Variants in IVL observed in about 807,000 individuals in gnomAD.
IVL encodes involucrin.
For missense variants in IVL, 722 were observed against 624.9 expected (o/e 1.16, Z -1.66); for synonymous variants, 257 against 271.0 (o/e 0.95, Z 0.51).
rs1007577164 is a variant in IVL at position 152,911,704 on chromosome 1, G to C, written c.*149G>C. Reference sequence around the variant, plus strand: ...CATGTCTCTTTAATGGGGTGAGGGTGGGGGAGAGAGGGAATTATTGTCCAG... The same window carrying C: ...CATGTCTCTTTAATGGGGTGAGGGTCGGGGAGAGAGGGAATTATTGTCCAG... On this transcript the variant is annotated 3_prime_UTR_variant, in exon 2 of 2. Transcript: ENST00000368764. 3.9e-6 allele frequency: 3 copies of C among 777,712 alleles called. No individual in the cohort carries two copies. Among genetic ancestry groups the C allele is most frequent in the African/African-American group, 3.5e-5 (2 of 57,082 alleles). The allele number at this position is 777,712 out of a possible 1,614,324, so 48.2% of individuals were successfully genotyped here.
rs1649906260 is a variant in IVL at position 152,910,252 on chromosome 1, T to A, written c.455T>A (p.Leu152Gln). The part of the protein sequence containing the change: ...DEQLGMKKEQ[L>Q]LELPEQQEGH... ...CAACTGGGAATGAAGAAAGAGCAAC[T>A]GTTGGAGCTCCCAGAGCAGCAGGAG... The change falls in exon 2 of 2, where the codon CTG (leucine) becomes CAG (glutamine). Residue 152 changes from leucine (L) to glutamine (Q), a missense_variant. Coordinates refer to ENST00000368764, the MANE Select transcript of IVL (RefSeq NM_005547.4). The A allele has an allele frequency of 1.2e-6, 2 of 1,613,826 alleles. No homozygotes were observed. Among genetic ancestry groups the A allele is most frequent in the Non-Finnish European group, 1.7e-6 (2 of 1,179,970 alleles).
Position 152,910,013 on chromosome 1 carries a change from G to T in IVL, c.216G>T (p.Glu72Asp). ...KHMTAVKGLP[E>D]QECEQQQKEP... ...TGACTGCTGTAAAGGGACTGCCTGAGCAAGAATGTGAGCAACAGCAGAAGG... is the reference window on the plus strand; with the variant it reads ...TGACTGCTGTAAAGGGACTGCCTGATCAAGAATGTGAGCAACAGCAGAAGG... The change falls in exon 2 of 2, where the codon GAG becomes GAT. Residue 72 changes from glutamate (E) to aspartate (D), a missense_variant. Physicochemically the swap from Glu to Asp is conservative, Grantham distance 45 (BLOSUM62 2). Transcript: ENST00000368764. 1 of 1,614,198 alleles carries T rather than the reference G, an allele frequency of 6.2e-7. No individual in the cohort carries two copies. The highest frequency in any genetic ancestry group is 1.6e-4 in the Middle Eastern group (1 of 6,062).
chr1:152,911,400 C>T lies in IVL; in HGVS notation c.1603C>T (p.Gln535Ter). Residue 535 changes from glutamine (Q) to a stop codon, truncating the protein, a stop_gained, in exon 2 of 2, where the codon CAG (glutamine) becomes TAG (stop). Coordinates refer to ENST00000368764, the MANE Select transcript of IVL (RefSeq NM_005547.4). LOFTEE classifies it low-confidence loss of function (END_TRUNC). Reference protein sequence around the residue: ...QQEGQLKDLEQQKGQLEQPVF... With the variant: ...QQEGQLKDLE ...GGAGGGGCAGCTGAAGGACCTGGAG[C>T]AGCAGAAGGGGCAGCTGGAGCAGCC... The T allele has an allele frequency of 6.2e-7, 1 of 1,613,872 alleles. No individual in the cohort carries two copies. Among genetic ancestry groups the T allele is most frequent in the Non-Finnish European group, 8.5e-7 (1 of 1,179,850 alleles).
rs1649970120 is a variant in IVL, at chr1:152,911,042, G to T, written c.1245G>T (p.Gln415His). ...HLVQQEGQLE[Q>H]QERQVEHLEQ... ...TGCAGCAGGAGGGGCAGCTGGAGCA[G>T]CAGGAGAGGCAGGTGGAGCACCTGG... The change falls in exon 2 of 2, where the codon CAG becomes CAT. Residue 415 changes from glutamine to histidine, a missense_variant. Gln to His is a conservative substitution (Grantham distance 24). Transcript: ENST00000368764. The T allele has an allele frequency of 6.4e-7, 1 of 1,550,734 alleles. No individual in the cohort carries two copies. Among genetic ancestry groups the T allele is most frequent in the African/African-American group, 1.4e-5 (1 of 72,898 alleles).
Position 152,909,007 on chromosome 1 carries a change from T to C in IVL, c.-20+418T>C, listed in dbSNP as rs190091824. Among the ~76,000 whole-genome samples, 8 of 152,270 alleles carry C rather than the reference T, an allele frequency of 5.3e-5. No individual in the cohort carries two copies. The East Asian group carries it at 1.5e-3, about 29-fold the overall frequency. On this transcript the variant is annotated intron_variant, in intron 1 of 1. Coordinates refer to ENST00000368764, the MANE Select transcript of IVL (RefSeq NM_005547.4). ...TGGCAGAATGGGGAAACCTTTCTAT[T>C]TGGAGAAACCTAGGCAGAGCTGGGA...
intron 1 of IVL, 146 bp downstream of exon 1, chr1:152,908,735 A>C (rs16834751): frequency 0.066 from 9,989 of 152,356 alleles, 1,418 homozygotes; most frequent in East Asian, 0.58. Flanking sequence ...CTCGAGTCAG[A>C]GTACTGAGAG....
Position 152,911,839 on chromosome 1 carries a change from G to A in IVL, c.*284G>A, listed in dbSNP as rs961902909. ...TCCCCAGTATTGAAGCTGAATCAGT[G>A]AGTGTGTACAATGATACATAATAAA... is the stretch of plus-strand genomic sequence containing the variant. On this transcript the variant is annotated 3_prime_UTR_variant, in exon 2 of 2. Coordinates refer to ENST00000368764, the MANE Select transcript of IVL (RefSeq NM_005547.4). The A allele has an allele frequency of 4.6e-6, 2 of 435,110 alleles. No homozygotes were observed. Among genetic ancestry groups the A allele is most frequent in the African/African-American group, 4.0e-5 (2 of 50,076 alleles). The allele number at this position is 435,110 out of a possible 1,614,324, so 27.0% of individuals were successfully genotyped here.
Position 152,911,583 on chromosome 1 carries a change from A to G in IVL, c.*28A>G, listed in dbSNP as rs771057716. ...ACCCGCAGTGTCCAGAGGCCCTCAGATCGTCTCATACAAGGGAAGAGAGAG... is the reference window on the plus strand; with the variant it reads ...ACCCGCAGTGTCCAGAGGCCCTCAGGTCGTCTCATACAAGGGAAGAGAGAG... On this transcript the variant is annotated 3_prime_UTR_variant, in exon 2 of 2. Coordinates refer to ENST00000368764, the MANE Select transcript of IVL (RefSeq NM_005547.4). 1.7e-5 allele frequency: 26 copies of G among 1,570,992 alleles called. 1 individual carries two copies. In the South Asian group the frequency reaches 3.1e-4, roughly 19 times the overall value.
Position 152,910,109 on chromosome 1 carries a change from A to G in IVL, c.312A>G (p.Pro104=), listed in dbSNP as rs1557864271. The G allele has an allele frequency of 6.2e-7, 1 of 1,614,220 alleles. No individual in the cohort carries two copies. Among genetic ancestry groups the G allele is most frequent in the Non-Finnish European group, 8.5e-7 (1 of 1,180,022 alleles). ...QHEEYQKAEN[P]EQQLKQEKTQ... is the part of the protein sequence containing the mutation. ...AGGAATATCAGAAAGCAGAAAACCC[A>G]GAGCAGCAGCTTAAGCAGGAGAAAA... Residue 104 remains proline, a synonymous_variant, in exon 2 of 2, where the codon CCA becomes CCG. Transcript: ENST00000368764.
chr1:152,911,494 T>C lies in IVL; in HGVS notation c.1697T>C (p.Leu566Ser). Residue 566 changes from leucine to serine, a missense_variant, in exon 2 of 2, where the codon TTG becomes TCG. Coordinates refer to ENST00000368764, the MANE Select transcript of IVL (RefSeq NM_005547.4). ...GCCCTGCCCACAAAGGGAGAAGTAT[T>C]GCTTCCTGTAGAGCACCAGCAGCAG... ...QPALPTKGEV[L>S]LPVEHQQQKQ... The C allele has an allele frequency of 6.2e-7, 1 of 1,614,086 alleles. No homozygotes were observed. Among genetic ancestry groups the C allele is most frequent in the Non-Finnish European group, 8.5e-7 (1 of 1,179,982 alleles).
At position 152,911,120 on chromosome 1, in the gene IVL, G is replaced by C. The variant is rs377070079; in HGVS notation, c.1323G>C (p.Lys441Asn). Reference protein sequence around the residue: ...KHLEEQEGQLKHLEQQQGQLE... With the variant: ...KHLEEQEGQLNHLEQQQGQLE... ...TAGAGGAGCAGGAGGGACAACTGAAGCATCTGGAGCAGCAGCAGGGGCAGT... is the reference window on the plus strand; with the variant it reads ...TAGAGGAGCAGGAGGGACAACTGAACCATCTGGAGCAGCAGCAGGGGCAGT... Residue 441 changes from lysine to asparagine, a missense_variant, in exon 2 of 2, where the codon AAG (lysine) becomes AAC (asparagine). Coordinates refer to ENST00000368764, the MANE Select transcript of IVL (RefSeq NM_005547.4). 1.9e-6 allele frequency: 3 copies of C among 1,554,522 alleles called. No homozygotes were observed. The highest frequency in any genetic ancestry group is 2.7e-5 in the African/African-American group (2 of 73,444).
rs187778418 is a variant in IVL, at chr1:152,911,701, G to A, written c.*146G>A. 31 of 812,736 alleles carry A rather than the reference G, an allele frequency of 3.8e-5. No individual in the cohort carries two copies. In the East Asian group the frequency reaches 8.1e-4, roughly 21 times the overall value. 50.3% of individuals were successfully genotyped at this position (812,736 alleles called of 1,614,324 possible). ...CTACATGTCTCTTTAATGGGGTGAG[G>A]GTGGGGGAGAGAGGGAATTATTGTC... On this transcript the variant is annotated 3_prime_UTR_variant, in exon 2 of 2. Coordinates refer to ENST00000368764, the MANE Select transcript of IVL (RefSeq NM_005547.4).
In IVL at chr1:152,910,720, A is replaced by T; in HGVS notation, c.923A>T (p.Gln308Leu). 1.3e-6 allele frequency: 2 copies of T among 1,550,080 alleles called. No individual in the cohort carries two copies. Among genetic ancestry groups the T allele is most frequent in the Non-Finnish European group, 1.7e-6 (2 of 1,146,224 alleles). Reference sequence around the variant, plus strand: ...GAGAAGCAGCCAGAGCTCCCAGAGCAGCAGATGGGGCAGCTGAAGCACCTG... The same window carrying T: ...GAGAAGCAGCCAGAGCTCCCAGAGCTGCAGATGGGGCAGCTGAAGCACCTG... ...QQEKQPELPE[Q>L]QMGQLKHLEQ... Residue 308 changes from glutamine to leucine, a missense_variant, in exon 2 of 2, where the codon CAG becomes CTG. Coordinates refer to ENST00000368764, the MANE Select transcript of IVL (RefSeq NM_005547.4).
chr1:152,910,373 GCTGGAGCTCCCAGAGCAGCAGGAGGGGC>G lies in IVL; in HGVS notation c.577_604del (p.Leu193SerfsTer62). ...AGCTCCCAGAGCAGCAGGAGGGGCAGCTGGAGCTCCCAGAGCAGCAGGAGGGGCAGCTGGAGCTCCCAGAGCAGCAGGA... is the reference window on the plus strand; with the variant it reads ...AGCTCCCAGAGCAGCAGGAGGGGCAGAGCTGGAGCTCCCAGAGCAGCAGGA... On this transcript the variant is annotated frameshift_variant, in exon 2 of 2. Transcript: ENST00000368764. LOFTEE classifies it low-confidence loss of function (END_TRUNC). 6.7e-7 allele frequency: 1 copy of G among 1,485,238 alleles called. No individual in the cohort carries two copies. The highest frequency in any genetic ancestry group is 8.9e-7 in the Non-Finnish European group (1 of 1,121,134). The allele number at this position is 1,485,238 out of a possible 1,614,324, so 92.0% of individuals were successfully genotyped here.
At chr1:152,908,966 A>G (rs759526123) in intron 1 of IVL, among the ~76,000 whole-genome samples, 8 of 152,146 alleles carry the variant, frequency 5.3e-5, no homozygotes, top group Non-Finnish European at 1.2e-4. Flanking sequence ...CCTTTTGGCT[A>G]TGCTGCACAG....
At chr1:152,908,725 C>T (rs1649841464) in intron 1 of IVL, 136 bp downstream of exon 1, 2 of 152,314 alleles carry the variant, frequency 1.3e-5, no homozygotes, top group Non-Finnish European at 2.9e-5. Context: ...TCTAGGGGGA[C>T]TCGAGTCAGA....
chr1:152,908,814 A>G (rs1253853918), intron 1 of IVL, among the ~76,000 whole-genome samples: 1 of 152,208 alleles, frequency 6.6e-6, no homozygotes, highest in Admixed American at 6.5e-5. Context: ...TCTTGTGACC[A>G]TATTTTTGGA....
In IVL at chr1:152,910,058, G is replaced by A. The variant is rs1649896559; in HGVS notation, c.261G>A (p.Leu87=). ...QQQKEPQEQE[L]QQQHWEQHEE... ...AGAAGGAGCCACAGGAGCAGGAGCT[G>A]CAGCAACAGCACTGGGAACAGCATG... Residue 87 remains leucine (L), a synonymous_variant, in exon 2 of 2, where the codon CTG becomes CTA. Coordinates refer to ENST00000368764, the MANE Select transcript of IVL (RefSeq NM_005547.4). 2 of 1,614,146 alleles carry A rather than the reference G, an allele frequency of 1.2e-6. No homozygotes were observed.
intron 1 of IVL, 53 bp from the exon 2 acceptor site, chr1:152,909,726 T>G: frequency 7.0e-7 from 1 of 1,420,062 alleles, no homozygotes; most frequent in Non-Finnish European, 9.6e-7. Context: ...TCCCAAGGTT[T>G]CATCTATTTC....
Sources: gnomAD v4.1 joint callset for allele counts (sites outside exome capture counted in the v4.1 genomes callset) on GRCh38, gnomAD v4.1.1 for gene constraint, MANE v1.5 for transcripts, NCBI Gene and HGNC (gene_info 2026-07-23, HGNC 2026-07-21) for gene names.